The following ZNRF3 variants were observed in gnomAD, a reference collection of about 807,000 sequenced individuals.
ZNRF3 encodes zinc and ring finger 3.
Under a neutral mutation model 72.5 loss-of-function variants are expected in ZNRF3, and 23 were observed. The ratio of observed to expected loss-of-function variants is 0.32; its 90% CI spans 0.23 to 0.45. The LOEUF is 0.45. Ranked by LOEUF, ZNRF3 falls within the 20% of genes least tolerant of loss-of-function variation. ZNRF3 has a pLI of 1.00. For synonymous variants in ZNRF3, 610 were observed against 545.3 expected (o/e 1.12, Z -1.65); for missense variants, 1,169 against 1,272.1 (o/e 0.92, Z 1.23).
chr22:28,898,840 G>C (rs2034049603), intron 1 of ZNRF3, among the ~76,000 whole-genome samples: 1 of 149,940 alleles, frequency 6.7e-6, no homozygotes, highest in South Asian at 2.1e-4. Context: ...GCAAACGTTT[G>C]ATTTTCTAGT....
chr22:28,923,910 G>A (rs1028855624), intron 1 of ZNRF3, among the ~76,000 whole-genome samples: 1 of 152,238 alleles, frequency 6.6e-6, no homozygotes, highest in Non-Finnish European at 1.5e-5. Flanking sequence ...GTGGGGGACC[G>A]AGCGGGCGAG....
intron 1 of ZNRF3, among the ~76,000 whole-genome samples, chr22:28,981,397 G>A (rs947639661): frequency 6.6e-6 from 1 of 151,952 alleles, no homozygotes; most frequent in Non-Finnish European, 1.5e-5. Flanking sequence ...TGCTATGTTG[G>A]CCAGGCTGGT....
At chr22:28,884,471 A>C (rs2033733775) in intron 1 of ZNRF3, among the ~76,000 whole-genome samples, 1 of 152,174 alleles carries the variant, frequency 6.6e-6, no homozygotes. Context: ...TTGCTTTTCC[A>C]TCCATGCATG....
rs148756896 is a variant in ZNRF3 at position 28,953,375 on chromosome 22, G to T, written c.301-33701G>T. On this transcript the variant is annotated intron_variant, in intron 1 of 8. Coordinates refer to ENST00000544604, the MANE Select transcript of ZNRF3 (RefSeq NM_001206998.2). ...CCCTCAGCCACTGCTTGACAGAGTTGTGAGGCCACAGCCTGTGAGAAATCA... is the reference window on the plus strand; with the variant it reads ...CCCTCAGCCACTGCTTGACAGAGTTTTGAGGCCACAGCCTGTGAGAAATCA... Among the ~76,000 whole-genome samples, 470 of 152,302 alleles carry T rather than the reference G, an allele frequency of 3.1e-3. 1 individual carries two copies. Among genetic ancestry groups the T allele is most frequent in the Middle Eastern group, 0.017 (5 of 294 alleles).
chr22:28,923,927 G>T (rs961175394), intron 1 of ZNRF3, among the ~76,000 whole-genome samples: 14 of 152,276 alleles, frequency 9.2e-5, no homozygotes, highest in Admixed American at 6.5e-4. Flanking sequence ...CGAGGCCATG[G>T]CTTTGCGCTG....
chr22:28,998,477 G>A (rs2123839377), intron 2 of ZNRF3, among the ~76,000 whole-genome samples: 2 of 152,240 alleles, frequency 1.3e-5, no homozygotes, highest in South Asian at 4.1e-4. Context: ...GAGCACTTGG[G>A]TAGCTATCTC....
At chr22:28,953,280 C>T (rs1282470529) in intron 1 of ZNRF3, among the ~76,000 whole-genome samples, 1 of 152,180 alleles carries the variant, frequency 6.6e-6, no homozygotes, top group Non-Finnish European at 1.5e-5. Context: ...CTTGTTATTC[C>T]ATGTTTTTAA....
chr22:28,888,422 G>A (rs1322235700), intron 1 of ZNRF3, among the ~76,000 whole-genome samples: 2 of 152,196 alleles, frequency 1.3e-5, no homozygotes, highest in Non-Finnish European at 2.9e-5. Context: ...TAGACAGAAA[G>A]GGATTGCCTA....
intron 2 of ZNRF3, among the ~76,000 whole-genome samples, chr22:29,039,109 G>T (rs1305490510): frequency 6.6e-6 from 1 of 152,114 alleles, no homozygotes; most frequent in East Asian, 1.9e-4. Context: ...TAAAAACCAG[G>T]AAACATATCA....
chr22:28,904,018 G>T (rs968811203), intron 1 of ZNRF3, among the ~76,000 whole-genome samples: 3 of 152,068 alleles, frequency 2.0e-5, no homozygotes, highest in Non-Finnish European at 4.4e-5. Flanking sequence ...TTGGGTAAAG[G>T]GCATACTCAC....
At chr22:28,898,205 C>T (rs1039021419) in intron 1 of ZNRF3, among the ~76,000 whole-genome samples, 1 of 152,218 alleles carries the variant, frequency 6.6e-6, no homozygotes, top group Non-Finnish European at 1.5e-5. Flanking sequence ...ACCTCGGCCT[C>T]CCAAAGTGCT....
intron 1 of ZNRF3, among the ~76,000 whole-genome samples, chr22:28,921,155 A>C (rs901828353): frequency 3.9e-5 from 6 of 152,164 alleles, no homozygotes; most frequent in Non-Finnish European, 8.8e-5. Context: ...AACTGGTAGC[A>C]TCAGCACATG....
At chr22:28,960,674 T>G (rs1482125237) in intron 1 of ZNRF3, among the ~76,000 whole-genome samples, 1 of 152,228 alleles carries the variant, frequency 6.6e-6, no homozygotes, top group Non-Finnish European at 1.5e-5. Context: ...TCTTTGGGCC[T>G]GTTTACTGCC....
At chr22:29,031,332 T>G (rs2036748999) in intron 2 of ZNRF3, 1 of 152,188 alleles carries the variant, frequency 6.6e-6, no homozygotes, top group South Asian at 2.1e-4. Context: ...AGGGTCTAGT[T>G]TGCCTCTCCT....
At chr22:29,019,490 G>A (rs757250058) in intron 2 of ZNRF3, among the ~76,000 whole-genome samples, 21 of 152,096 alleles carry the variant, frequency 1.4e-4, no homozygotes, top group Non-Finnish European at 2.1e-4. Context: ...AAAGCTGAAG[G>A]TAGTACAGGG....
At chr22:28,994,494 G>T (rs1350093833) in intron 2 of ZNRF3, among the ~76,000 whole-genome samples, 2 of 151,820 alleles carry the variant, frequency 1.3e-5, no homozygotes, top group African/African-American at 4.8e-5. Context: ...CGGCTCCTTC[G>T]TTCCTTTTAT....
At chr22:28,948,108 G>A (rs1277337214) in intron 1 of ZNRF3, among the ~76,000 whole-genome samples, 1 of 152,092 alleles carries the variant, frequency 6.6e-6, no homozygotes, top group Non-Finnish European at 1.5e-5. Flanking sequence ...CTCCCAAAGT[G>A]CTGGGATTAC....
intron 2 of ZNRF3, among the ~76,000 whole-genome samples, chr22:29,033,576 G>A (rs918779770): frequency 2.0e-5 from 3 of 152,276 alleles, no homozygotes; most frequent in East Asian, 3.9e-4. Flanking sequence ...CTGGGCTGAG[G>A]AGCCCCCAGA....
At chr22:28,978,630 T>C (rs2035714458) in intron 1 of ZNRF3, among the ~76,000 whole-genome samples, 1 of 152,208 alleles carries the variant, frequency 6.6e-6, no homozygotes, top group Non-Finnish European at 1.5e-5. Context: ...TTAAAATAAT[T>C]CACGTGTCTG....
Sources: gnomAD v4.1 joint callset for allele counts (sites outside exome capture counted in the v4.1 genomes callset) on GRCh38, gnomAD v4.1.1 for gene constraint, MANE v1.5 for transcripts, NCBI Gene and HGNC (gene_info 2026-07-23, HGNC 2026-07-21) for gene names.